The following PDCD10 variants were observed in gnomAD, a reference collection of about 807,000 sequenced individuals.
PDCD10 encodes programmed cell death 10.
In PDCD10, 4 loss-of-function variants were observed where a neutral mutation model predicts 29.2. The ratio of observed to expected loss-of-function variants is 0.14; its 90% CI spans 0.07 to 0.31. The LOEUF (loss-of-function observed/expected upper bound fraction) is 0.31, where lower values mean the gene tolerates loss of function less well. Ranked by LOEUF, PDCD10 falls within the 10% of genes least tolerant of loss-of-function variation. The pLI is 1.00. For missense variants in PDCD10, 183 were observed against 257.9 expected (o/e 0.71, Z 1.99); for synonymous variants, 70 against 82.2 (o/e 0.85, Z 0.80).
chr3:167,717,405 G>A (rs7615915), intron 3 of PDCD10, among the ~76,000 whole-genome samples: 37,540 of 151,850 alleles, frequency 0.25, 4,955 homozygotes, highest in African/African-American at 0.31. Context: ...TTTAGCTTCA[G>A]AGTAAAACGG....
chr3:167,712,191 T>C (rs1049429003), intron 3 of PDCD10, among the ~76,000 whole-genome samples: 1 of 151,962 alleles, frequency 6.6e-6, no homozygotes, highest in African/African-American at 2.4e-5. Flanking sequence ...AAATAATAAC[T>C]ATAACAACTT....
chr3:167,712,787 CAAA>C (rs1363515647), intron 3 of PDCD10, among the ~76,000 whole-genome samples: 1 of 151,292 alleles, frequency 6.6e-6, no homozygotes, highest in Non-Finnish European at 1.5e-5. Flanking sequence ...AAATGGAAAC[CAAA>C]AAAAGAGTAG....
At chr3:167,729,756 T>C (rs1333900910) in intron 2 of PDCD10, among the ~76,000 whole-genome samples, 2 of 152,170 alleles carry the variant, frequency 1.3e-5, no homozygotes, top group African/African-American at 4.8e-5. Context: ...ATGCATTCAA[T>C]AAGTAAATGA....
chr3:167,685,603 G>A (rs1396106212), intron 8 of PDCD10, among the ~76,000 whole-genome samples: 2 of 152,036 alleles, frequency 1.3e-5, no homozygotes, highest in African/African-American at 2.4e-5. Context: ...GAAAGTAGTA[G>A]CAACGACACT....
chr3:167,732,278 A>G (rs1724898079), intron 2 of PDCD10, among the ~76,000 whole-genome samples: 1 of 152,196 alleles, frequency 6.6e-6, no homozygotes, highest in South Asian at 2.1e-4. Context: ...ACCTACTCAG[A>G]CTACAATAAT....
intron 3 of PDCD10, among the ~76,000 whole-genome samples, chr3:167,719,164 A>G (rs1377257270): frequency 6.6e-6 from 1 of 152,170 alleles, no homozygotes. Flanking sequence ...TTACAAAGAG[A>G]GATGAAAATT....
Position 167,720,286 on chromosome 3 carries a change from G to A in PDCD10, c.-116-13C>T, listed in dbSNP as rs140278271. 159 of 685,802 alleles carry A rather than the reference G, an allele frequency of 2.3e-4. No individual in the cohort carries two copies. In the African/African-American group the frequency reaches 2.5e-3, roughly 11 times the overall value. The allele number at this position is 685,802 out of a possible 1,614,324, so 42.5% of individuals were successfully genotyped here. On this transcript the variant is annotated splice_polypyrimidine_tract_variant and intron_variant, in intron 2 of 8. Coordinates refer to ENST00000392750, the MANE Select transcript of PDCD10 (RefSeq NM_007217.4). ...AAAACACACTGATCTGGTGAAAGAG[G>A]AAGAAAGAACAGAGACTTACTATAT...
chr3:167,691,715 A>G (rs916688426), intron 6 of PDCD10, among the ~76,000 whole-genome samples: 1 of 152,158 alleles, frequency 6.6e-6, no homozygotes, highest in Non-Finnish European at 1.5e-5. Flanking sequence ...CCTTTTTCAC[A>G]TTTCTTTCAA....
chr3:167,718,055 A>G (rs1398660344), intron 3 of PDCD10, among the ~76,000 whole-genome samples: 1 of 152,122 alleles, frequency 6.6e-6, no homozygotes, highest in Non-Finnish European at 1.5e-5. Flanking sequence ...CAGAATATAG[A>G]CATGAAAAGA....
intron 2 of PDCD10, among the ~76,000 whole-genome samples, chr3:167,728,069 T>A (rs1191571985): frequency 6.6e-6 from 1 of 152,214 alleles, no homozygotes; most frequent in Non-Finnish European, 1.5e-5. Flanking sequence ...TTTTACTGCA[T>A]CTACTGTTCC....
intron 5 of PDCD10, among the ~76,000 whole-genome samples, chr3:167,696,330 A>G (rs1434445486): frequency 1.3e-5 from 2 of 152,206 alleles, no homozygotes; most frequent in Non-Finnish European, 2.9e-5. Flanking sequence ...CAGACTTGGA[A>G]GCATTACAAC....
At chr3:167,725,752 C>A (rs1724050395) in intron 2 of PDCD10, among the ~76,000 whole-genome samples, 2 of 112,150 alleles carry the variant, frequency 1.8e-5, no homozygotes, top group Admixed American at 1.0e-4. Context: ...AGCACTTTAC[C>A]ATTGTATCGT....
At chr3:167,711,533 A>C (rs1053956906) in intron 3 of PDCD10, among the ~76,000 whole-genome samples, 2 of 152,218 alleles carry the variant, frequency 1.3e-5, no homozygotes, top group Non-Finnish European at 2.9e-5. Context: ...AATAGTCTCA[A>C]AATGGTGAAC....
At chr3:167,711,029 T>A (rs1722470858) in intron 3 of PDCD10, among the ~76,000 whole-genome samples, 2 of 152,068 alleles carry the variant, frequency 1.3e-5, no homozygotes, top group South Asian at 4.1e-4. Context: ...TCAGAACACT[T>A]AGAAAGTCTT....
chr3:167,709,612 G>A (rs990657293), intron 3 of PDCD10, among the ~76,000 whole-genome samples: 2 of 152,126 alleles, frequency 1.3e-5, no homozygotes, highest in African/African-American at 4.8e-5. Context: ...TGCCACCAAG[G>A]GCTAAAGTGC....
At chr3:167,730,829 A>G (rs1342564061) in intron 2 of PDCD10, 1 of 152,208 alleles carries the variant, frequency 6.6e-6, no homozygotes. Flanking sequence ...TATAAAGCAA[A>G]TAAGATTAGA....
At chr3:167,691,984 T>C (rs891188709) in intron 6 of PDCD10, among the ~76,000 whole-genome samples, 4 of 152,208 alleles carry the variant, frequency 2.6e-5, no homozygotes, top group Non-Finnish European at 4.4e-5. Context: ...ATATAAATGA[T>C]TGTTATTAAG....
chr3:167,716,308 G>C (rs955021488), intron 3 of PDCD10, among the ~76,000 whole-genome samples: 1 of 151,832 alleles, frequency 6.6e-6, no homozygotes, highest in Admixed American at 6.6e-5. Flanking sequence ...TGGTTAATAG[G>C]TACTAAAACA....
In PDCD10 at chr3:167,711,045, G is replaced by T. The variant is rs188316312; in HGVS notation, c.97-6150C>A. On this transcript the variant is annotated intron_variant, in intron 3 of 8. Transcript: ENST00000392750. ...CAGAACACTTAGAAAGTCTTCCCAA[G>T]AAAGATGGGCAAAAACAAGCCCAGA... 2.0e-5 allele frequency among the ~76,000 whole-genome samples: 3 copies of T among 152,234 alleles called. No individual in the cohort carries two copies. In the East Asian group the frequency reaches 5.8e-4, roughly 29 times the overall value.
Sources: gnomAD v4.1 joint callset for allele counts (sites outside exome capture counted in the v4.1 genomes callset) on GRCh38, gnomAD v4.1.1 for gene constraint, MANE v1.5 for transcripts, NCBI Gene and HGNC (gene_info 2026-07-23, HGNC 2026-07-21) for gene names.